BMPR1B: variants seen among roughly 807,000 people sequenced by gnomAD.
BMPR1B encodes bone morphogenetic protein receptor type 1B.
A neutral mutation model predicts 59.1 loss-of-function variants in BMPR1B; 12 were observed. That is an observed-to-expected ratio of 0.20 (90% CI 0.13 to 0.33). The LOEUF is 0.33. BMPR1B is among the 10% of genes least tolerant of loss of function. BMPR1B has a pLI of 1.00. For synonymous variants in BMPR1B, 237 were observed against 207.3 expected, an observed-to-expected ratio of 1.14 and a Z score of -1.23; for missense variants, 550 against 610.9, an observed-to-expected ratio of 0.90 and a Z score of 1.05.
At chr4:94,894,458 G>GAGAA (rs1727513598) in intron 2 of BMPR1B, among the ~76,000 whole-genome samples, 2 of 151,700 alleles carry the variant, frequency 1.3e-5, no homozygotes, top group Non-Finnish European at 2.9e-5. Flanking sequence ...GAGAGAGAGA[G>GAGAA]AGAAAGCGAG....
At chr4:95,130,121 T>C in intron 9 of BMPR1B, 67 bp downstream of exon 9, 1 of 1,536,806 alleles carries the variant, frequency 6.5e-7, no homozygotes, top group Non-Finnish European at 9.0e-7. Context: ...TGTTAACATC[T>C]GCATGTTAAC....
chr4:95,050,910 G>C (rs1007651681), intron 3 of BMPR1B, among the ~76,000 whole-genome samples: 4 of 152,016 alleles, frequency 2.6e-5, no homozygotes, highest in Non-Finnish European at 5.9e-5. Flanking sequence ...CAAATGAAAC[G>C]TCACAAAAAT....
chr4:95,128,169 A>T lies in BMPR1B; in HGVS notation c.586-1693A>T, dbSNP rs529446589. Among the ~76,000 whole-genome samples the T allele has an allele frequency of 2.0e-5, 3 of 152,246 alleles. No homozygotes were observed. In the South Asian group the frequency reaches 6.2e-4, roughly 32 times the overall value. On this transcript the variant is annotated intron_variant, in intron 8 of 12. Transcript: ENST00000515059. ...CCAAAGTGCTGGGATTACAGGCATG[A>T]GCCACCGTGCCCAGACCTAATCCCT...
chr4:95,065,877 AAC>A (rs1164559704), intron 3 of BMPR1B, among the ~76,000 whole-genome samples: 5 of 152,164 alleles, frequency 3.3e-5, no homozygotes, highest in Non-Finnish European at 4.4e-5. Flanking sequence ...ATTTTACCGA[AAC>A]AGTTTTGTCA....
chr4:94,929,251 T>G (rs1729002145), intron 2 of BMPR1B, among the ~76,000 whole-genome samples: 1 of 152,074 alleles, frequency 6.6e-6, no homozygotes, highest in African/African-American at 2.4e-5. Context: ...TGGCATGTCT[T>G]AAAAACTTGG....
intron 4 of BMPR1B, among the ~76,000 whole-genome samples, chr4:95,106,117 G>T (rs1406710137): frequency 6.6e-6 from 1 of 151,968 alleles, no homozygotes; most frequent in Non-Finnish European, 1.5e-5. Flanking sequence ...AAAAGAAACT[G>T]TTTTTTCTAG....
chr4:95,154,514 G>A (rs1485578444), intron 12 of BMPR1B, 34 bp from the exon 13 acceptor site: 3 of 1,613,710 alleles, frequency 1.9e-6, no homozygotes, highest in South Asian at 1.1e-5. Flanking sequence ...CAGCCTTGCA[G>A]ATGATACATT....
intron 2 of BMPR1B, among the ~76,000 whole-genome samples, chr4:94,985,489 C>A (rs1470649708): frequency 6.7e-6 from 1 of 149,096 alleles, no homozygotes; most frequent in Non-Finnish European, 1.5e-5. Flanking sequence ...TAACCAACAC[C>A]AGAGAAACCA....
intron 1 of BMPR1B, among the ~76,000 whole-genome samples, chr4:94,783,447 TC>T (rs1383414366): frequency 2.0e-5 from 3 of 152,232 alleles, no homozygotes; most frequent in African/African-American, 7.2e-5. Context: ...GGCTTGAACT[TC>T]CCTTATACTC....
At chr4:94,907,994 G>A (rs1003606992) in intron 2 of BMPR1B, among the ~76,000 whole-genome samples, 1 of 138,812 alleles carries the variant, frequency 7.2e-6, no homozygotes, top group African/African-American at 2.7e-5. Context: ...AGGCTGTAGT[G>A]TGCAATGCTC....
intron 3 of BMPR1B, among the ~76,000 whole-genome samples, chr4:95,089,409 T>G (rs1410035678): frequency 6.6e-6 from 1 of 151,902 alleles, no homozygotes; most frequent in African/African-American, 2.4e-5. Context: ...TAGGGTAGAG[T>G]TTATGGGTGA....
intron 3 of BMPR1B, among the ~76,000 whole-genome samples, chr4:95,081,038 T>G (rs1470751807): frequency 2.0e-5 from 3 of 152,118 alleles, no homozygotes; most frequent in Non-Finnish European, 4.4e-5. Flanking sequence ...AATTGAATAA[T>G]GGGTGTGGTG....
chr4:95,108,225 A>G lies in BMPR1B; in HGVS notation c.143+3658A>G, dbSNP rs536537211. Among the ~76,000 whole-genome samples, 7 of 152,246 alleles carry G rather than the reference A, an allele frequency of 4.6e-5. No homozygotes were observed. In the East Asian group the frequency reaches 1.4e-3, roughly 29 times the overall value. ...TTTTAAATTCACCCCTTCCCAGATC[A>G]GTAGCAAGCAGTTTGCTGACCTGCA... On this transcript the variant is annotated intron_variant, in intron 4 of 12. Transcript: ENST00000515059.
At chr4:94,946,904 T>A (rs1245810531) in intron 2 of BMPR1B, among the ~76,000 whole-genome samples, 1 of 151,814 alleles carries the variant, frequency 6.6e-6, no homozygotes, top group Non-Finnish European at 1.5e-5. Flanking sequence ...TACAAAAAAT[T>A]AGCCAGGTGT....
At chr4:94,812,099 T>A (rs1723839490) in intron 1 of BMPR1B, among the ~76,000 whole-genome samples, 1 of 152,178 alleles carries the variant, frequency 6.6e-6, no homozygotes, top group Non-Finnish European at 1.5e-5. Context: ...GAGGACATTG[T>A]TTTATATTCT....
intron 1 of BMPR1B, among the ~76,000 whole-genome samples, chr4:94,865,761 C>T (rs954849264): frequency 2.6e-5 from 4 of 152,088 alleles, no homozygotes; most frequent in Non-Finnish European, 4.4e-5. Context: ...TTTCTAGCAA[C>T]GAATCCTCAT....
intron 3 of BMPR1B, among the ~76,000 whole-genome samples, chr4:95,035,931 T>G (rs1725209344): frequency 6.6e-6 from 1 of 152,184 alleles, no homozygotes; most frequent in African/African-American, 2.4e-5. Context: ...GTATTTCCAT[T>G]TGTCTGTGTC....
At chr4:95,041,870 T>G (rs1368690414) in intron 3 of BMPR1B, among the ~76,000 whole-genome samples, 1 of 152,102 alleles carries the variant, frequency 6.6e-6, no homozygotes, top group East Asian at 1.9e-4. Flanking sequence ...CTTTTTTTTT[T>G]TTGAGACGGA....
At chr4:94,850,178 C>T (rs1725513497) in intron 1 of BMPR1B, among the ~76,000 whole-genome samples, 1 of 151,982 alleles carries the variant, frequency 6.6e-6, no homozygotes, top group South Asian at 2.1e-4. Flanking sequence ...AATCCTTTTC[C>T]TCATGCTTCA....
Sources: allele counts gnomAD v4.1 joint callset (sites outside exome capture counted in the v4.1 genomes callset), GRCh38; gene constraint gnomAD v4.1.1; transcripts MANE v1.5; gene names NCBI Gene and HGNC (gene_info 2026-07-23, HGNC 2026-07-21).